GOLPH3L: variants seen among roughly 807,000 people sequenced by gnomAD.
The protein encoded by GOLPH3L is Golgi phosphoprotein 3-like.
GOLPH3L carries 22 observed loss-of-function variants against 30.3 expected under a neutral mutation model. That is an observed-to-expected ratio of 0.73 (90% CI 0.52 to 1.04). The LOEUF is 1.04. Among genes scored for constraint, GOLPH3L ranks in the 50% least tolerant of loss-of-function variants. The pLI is 0.00. For synonymous variants in GOLPH3L, 120 were observed against 128.2 expected, an observed-to-expected ratio of 0.94 and a Z score of 0.43; for missense variants, 303 against 345.8, an observed-to-expected ratio of 0.88 and a Z score of 0.98.
intron 4 of GOLPH3L, among the ~76,000 whole-genome samples, chr1:150,649,689 G>T (rs999850203): frequency 2.6e-5 from 4 of 152,148 alleles, no homozygotes; most frequent in African/African-American, 9.7e-5. Flanking sequence ...GGCTTGACTT[G>T]AGAGTATTCC....
At chr1:150,683,699 CAAAAAAAAAAAAAAAAAAAAA>C (rs397981524) in intron 2 of GOLPH3L, among the ~76,000 whole-genome samples, 1 of 14,958 alleles carries the variant, frequency 6.7e-5, no homozygotes, top group Non-Finnish European at 1.2e-4. Context: ...GACTCTCTCT[CAAAAAAAAAAAAAAAAAAAAA>C]AAAAAAAAAA....
chr1:150,651,830 C>T (rs985022162), intron 4 of GOLPH3L, among the ~76,000 whole-genome samples: 27 of 151,750 alleles, frequency 1.8e-4, no homozygotes, highest in African/African-American at 6.3e-4. Context: ...TATAAAGTAT[C>T]ATCAACTTGA....
intron 4 of GOLPH3L, among the ~76,000 whole-genome samples, chr1:150,651,993 CAA>C (rs1650115306): frequency 6.6e-6 from 1 of 152,054 alleles, no homozygotes; most frequent in South Asian, 2.1e-4. Context: ...TGGATGAACA[CAA>C]AGAGACCCAT....
chr1:150,655,928 T>G (rs1007717577), intron 4 of GOLPH3L, among the ~76,000 whole-genome samples: 1 of 152,250 alleles, frequency 6.6e-6, no homozygotes, highest in African/African-American at 2.4e-5. Flanking sequence ...TATTATCCCC[T>G]TAGCTGAGCA....
At position 150,694,797 on chromosome 1, in the gene GOLPH3L, G is replaced by A. The variant is rs1158353248; in HGVS notation, c.42C>T (p.Ser14=). The change falls in exon 2 of 5, where the codon AGC becomes AGT. Residue 14 remains serine (S), a synonymous_variant. Coordinates refer to ENST00000271732, the MANE Select transcript of GOLPH3L (RefSeq NM_018178.6). ...LTHRARRTEI[S]KNSEKKMESE... ...TTTCCATCTTCTTTTCAGAGTTCTT[G>A]CTTATTTCAGTGCGACGGGCCCGGT... 1 of 1,612,862 alleles carries A rather than the reference G, an allele frequency of 6.2e-7. No homozygotes were observed. Among genetic ancestry groups the A allele is most frequent in the South Asian group, 1.1e-5 (1 of 90,974 alleles).
At chr1:150,653,243 T>TC (rs1465490799) in intron 4 of GOLPH3L, among the ~76,000 whole-genome samples, 1 of 149,268 alleles carries the variant, frequency 6.7e-6, no homozygotes, top group Non-Finnish European at 1.5e-5. Flanking sequence ...GGAATAGAGT[T>TC]ATATAGAAGT....
At chr1:150,662,039 A>G (rs1650379852) in intron 3 of GOLPH3L, 111 bp from the exon 4 acceptor site, 2 of 680,444 alleles carry the variant, frequency 2.9e-6, no homozygotes, top group African/African-American at 3.6e-5. Context: ...AATGTAAGGA[A>G]GCATAATATA....
rs1169618189 is a variant in GOLPH3L, at chr1:150,646,487, G to A, written c.*1834C>T. The A allele has an allele frequency of 6.6e-6, 1 of 152,162 alleles. No individual in the cohort carries two copies. The highest frequency in any genetic ancestry group is 1.5e-5 in the Non-Finnish European group (1 of 68,022). 9.4% of individuals were successfully genotyped at this position (152,162 alleles called of 1,614,324 possible). ...AGAAAAGAAAAAGCTAAATCAGTTA[G>A]AGACAACACATGGACTGGCTTTTGT... On this transcript the variant is annotated 3_prime_UTR_variant, in exon 5 of 5. Coordinates refer to ENST00000271732, the MANE Select transcript of GOLPH3L (RefSeq NM_018178.6).
chr1:150,660,249 T>C (rs1236677416), intron 4 of GOLPH3L, among the ~76,000 whole-genome samples: 20 of 151,914 alleles, frequency 1.3e-4, no homozygotes, highest in Admixed American at 1.2e-3. Context: ...CCTACTCGGA[T>C]GTCTATAATT....
chr1:150,658,217 C>T (rs1397311190), intron 4 of GOLPH3L, among the ~76,000 whole-genome samples: 1 of 152,170 alleles, frequency 6.6e-6, no homozygotes, highest in East Asian at 1.9e-4. Flanking sequence ...TGAACACAGC[C>T]ACCCACCTGA....
chr1:150,694,557 A>C, intron 2 of GOLPH3L, 99 bp downstream of exon 2: 2 of 736,590 alleles, frequency 2.7e-6, no homozygotes, highest in Non-Finnish European at 4.3e-6. Context: ...CACAATTCTA[A>C]GACCAATTTA....
chr1:150,676,357 T>TTC (rs778243767), intron 2 of GOLPH3L, among the ~76,000 whole-genome samples: 6 of 152,090 alleles, frequency 3.9e-5, no homozygotes, highest in Non-Finnish European at 7.4e-5. Flanking sequence ...AATATAATCT[T>TTC]TCATCTTTAC....
At chr1:150,677,726 A>C (rs1650847088) in intron 2 of GOLPH3L, among the ~76,000 whole-genome samples, 1 of 151,604 alleles carries the variant, frequency 6.6e-6, no homozygotes, top group African/African-American at 2.4e-5. Context: ...CTCGAGCTCA[A>C]GCAATCCTAC....
chr1:150,685,247 C>A (rs1463616839), intron 2 of GOLPH3L, among the ~76,000 whole-genome samples: 1 of 152,008 alleles, frequency 6.6e-6, no homozygotes, highest in East Asian at 1.9e-4. Context: ...ATTATTGATG[C>A]CTAGTTAATG....
At chr1:150,694,098 A>G (rs1557791607) in intron 2 of GOLPH3L, 2 of 422,360 alleles carry the variant, frequency 4.7e-6, no homozygotes, top group Admixed American at 5.3e-5. Flanking sequence ...GCCTCAAGTG[A>G]TTCACTCACC....
At chr1:150,669,140 T>C (rs1650581588) in intron 2 of GOLPH3L, among the ~76,000 whole-genome samples, 1 of 152,172 alleles carries the variant, frequency 6.6e-6, no homozygotes, top group Non-Finnish European at 1.5e-5. Context: ...AAAACATATA[T>C]GTAGAGTTTT....
chr1:150,679,420 A>T (rs1332896905), intron 2 of GOLPH3L, among the ~76,000 whole-genome samples: 1 of 152,244 alleles, frequency 6.6e-6, no homozygotes, highest in Non-Finnish European at 1.5e-5. Context: ...ACCTATTACC[A>T]AAATGAAAGA....
intron 4 of GOLPH3L, among the ~76,000 whole-genome samples, chr1:150,653,303 T>TA (rs1650168248): frequency 1.3e-5 from 2 of 149,378 alleles, no homozygotes; most frequent in African/African-American, 4.9e-5. Context: ...TTTTTATTTT[T>TA]TTTTTTTTTT....
intron 2 of GOLPH3L, among the ~76,000 whole-genome samples, chr1:150,675,893 A>T (rs1650765015): frequency 6.6e-6 from 1 of 151,810 alleles, no homozygotes; most frequent in Admixed American, 6.6e-5. Flanking sequence ...ATATTGTCTA[A>T]AACTGAGTAA....
Sources: allele counts gnomAD v4.1 joint callset (sites outside exome capture counted in the v4.1 genomes callset), GRCh38; gene constraint gnomAD v4.1.1; transcripts MANE v1.5; gene names NCBI Gene and HGNC (gene_info 2026-07-23, HGNC 2026-07-21).